CPLANE1: variants seen among roughly 807,000 people sequenced by gnomAD.
CPLANE1 encodes the protein ciliogenesis and planar polarity effector 1.
In CPLANE1, 263 loss-of-function variants were observed where a neutral mutation model predicts 362.5. The observed-to-expected ratio is 0.73, with a 90% confidence interval of 0.66 to 0.80. The LOEUF (loss-of-function observed/expected upper bound fraction) is 0.80. CPLANE1 is among the 30% of genes least tolerant of loss of function. The pLI, the probability that CPLANE1 is intolerant of heterozygous loss-of-function variation, is 0.00. For missense variants in CPLANE1, 3,461 were observed against 3,793.4 expected (o/e 0.91, Z 2.30); for synonymous variants, 1,212 against 1,302.6 (o/e 0.93, Z 1.50).
chr5:37,206,129 G>T (rs904875082), intron 17 of CPLANE1, 68 bp downstream of exon 17: 18 of 1,022,336 alleles, frequency 1.8e-5, no homozygotes, highest in Non-Finnish European at 2.2e-5. Flanking sequence ...GTAAATACCA[G>T]CAATAAGAGA....
At chr5:37,111,039 C>A (rs1366141143) in intron 51 of CPLANE1, among the ~76,000 whole-genome samples, 1 of 151,632 alleles carries the variant, frequency 6.6e-6, no homozygotes, top group Non-Finnish European at 1.5e-5. Flanking sequence ...AATCTCCTGA[C>A]CTCGTGATCC....
chr5:37,201,202 A>G (rs1264800779), intron 19 of CPLANE1, among the ~76,000 whole-genome samples: 1 of 152,164 alleles, frequency 6.6e-6, no homozygotes, highest in African/African-American at 2.4e-5. Flanking sequence ...GACACTCATT[A>G]TTTCATTTGT....
chr5:37,224,935 G>A (rs912138160), intron 12 of CPLANE1, among the ~76,000 whole-genome samples, 195 bp from the exon 13 acceptor site: 19 of 148,092 alleles, frequency 1.3e-4, no homozygotes, highest in Non-Finnish European at 2.5e-4. Flanking sequence ...AATATTTTAA[G>A]CACCTGTAAT....
At chr5:37,195,647 T>C (rs913990100) in intron 21 of CPLANE1, among the ~76,000 whole-genome samples, 3 of 151,188 alleles carry the variant, frequency 2.0e-5, no homozygotes, top group Admixed American at 6.6e-5. Flanking sequence ...CATAAGGTAA[T>C]AGGTATCACA....
At chr5:37,173,987 T>C (rs1199270647) in intron 31 of CPLANE1, 40 bp from the exon 32 acceptor site, 1 of 1,541,286 alleles carries the variant, frequency 6.5e-7, no homozygotes, top group African/African-American at 1.4e-5. Context: ...TGCATTAAAA[T>C]TGACAAAAAA....
At chr5:37,205,593 T>C (rs184631126) in intron 17 of CPLANE1, 139 bp from the exon 18 acceptor site, 5 of 604,522 alleles carry the variant, frequency 8.3e-6, no homozygotes, top group Non-Finnish European at 1.4e-5. Context: ...AAAAAAGATA[T>C]ATTCAAGGAA....
chr5:37,205,462 G>T lies in CPLANE1; in HGVS notation c.3150-8C>A. The T allele has an allele frequency of 6.7e-7, 1 of 1,486,414 alleles. No homozygotes were observed. Among genetic ancestry groups the T allele is most frequent in the African/African-American group, 1.4e-5 (1 of 70,490 alleles). 92.1% of individuals were successfully genotyped at this position (1,486,414 alleles called of 1,614,324 possible). A position where few individuals can be genotyped will look rare whatever the true frequency, so the allele number is the denominator to read the frequency against. Reference sequence around the variant, plus strand: ...AGACTCTTTTTCTTGGACCTGAAATGACATCAAATTAAGGGAAATGAATCC... The same window carrying T: ...AGACTCTTTTTCTTGGACCTGAAATTACATCAAATTAAGGGAAATGAATCC... On this transcript the variant is annotated splice_polypyrimidine_tract_variant and splice_region_variant and intron_variant, in intron 17 of 52. Coordinates refer to ENST00000651892, the MANE Select transcript of CPLANE1 (RefSeq NM_001384732.1).
chr5:37,136,525 C>T (rs756995857), intron 46 of CPLANE1, among the ~76,000 whole-genome samples: 3 of 152,156 alleles, frequency 2.0e-5, no homozygotes, highest in African/African-American at 7.2e-5. Flanking sequence ...GTCTGAAGGA[C>T]GATGGCCCTC....
At chr5:37,139,266 CACAT>C in intron 45 of CPLANE1, 70 bp downstream of exon 45, 2 of 1,337,330 alleles carry the variant, frequency 1.5e-6, no homozygotes, top group Non-Finnish European at 2.0e-6. Flanking sequence ...AAAATTCACA[CACAT>C]ATGAACAAAA....
intron 16 of CPLANE1, 100 bp downstream of exon 16, chr5:37,213,459 G>T: frequency 1.4e-6 from 1 of 724,824 alleles, no homozygotes; most frequent in Non-Finnish European, 2.0e-6. Context: ...TACTATGCTA[G>T]AACAGTATCA....
At chr5:37,235,845 C>T (rs1580979225) in intron 8 of CPLANE1, among the ~76,000 whole-genome samples, 2 of 147,658 alleles carry the variant, frequency 1.4e-5, no homozygotes, top group Admixed American at 1.4e-4. Flanking sequence ...GCTGGGATTA[C>T]AGGCATGAGC....
intron 46 of CPLANE1, among the ~76,000 whole-genome samples, chr5:37,132,269 C>T (rs905352498): frequency 2.0e-5 from 3 of 149,556 alleles, no homozygotes; most frequent in Non-Finnish European, 3.0e-5. Context: ...AAAATGACTT[C>T]GAGAAGTGTT....
rs544249065 is a variant in CPLANE1 at position 37,170,338 on chromosome 5, T to A, written c.6172-7A>T. 3 of 1,597,290 alleles carry A rather than the reference T, an allele frequency of 1.9e-6. No individual in the cohort carries two copies. In the South Asian group the frequency reaches 3.4e-5, roughly 18 times the overall value. On this transcript the variant is annotated splice_polypyrimidine_tract_variant and splice_region_variant and intron_variant, in intron 32 of 52. Coordinates refer to ENST00000651892, the MANE Select transcript of CPLANE1 (RefSeq NM_001384732.1). ...TGAAGTTGATCTGTTGCAGCTTGAA[T>A]AAAACAAAAATTGAAGCGATATCTT...
chr5:37,185,362 T>C (rs988978675), intron 24 of CPLANE1, among the ~76,000 whole-genome samples: 6 of 152,062 alleles, frequency 3.9e-5, no homozygotes, highest in African/African-American at 1.4e-4. Flanking sequence ...CTTTAAGTGA[T>C]TTAACTGTTT....
intron 46 of CPLANE1, among the ~76,000 whole-genome samples, chr5:37,132,331 G>A (rs983106951): frequency 1.1e-4 from 13 of 123,074 alleles, no homozygotes; most frequent in African/African-American, 3.0e-4. Flanking sequence ...TTATTCGATT[G>A]TTCAAGTTTT....
In CPLANE1 at chr5:37,243,511, T is replaced by C. The variant is rs182320003; in HGVS notation, c.571-392A>G. On this transcript the variant is annotated intron_variant, in intron 5 of 52. Transcript: ENST00000651892. The stretch of plus-strand genomic sequence containing the variant: ...AGTGGTTTGGATAATAAAATGCTGG[T>C]CCACACATACGAAGAATACCAAGCA... 3.7e-4 allele frequency among the ~76,000 whole-genome samples: 56 copies of C among 151,858 alleles called. 1 individual carries two copies. Among genetic ancestry groups the C allele is most frequent in the Admixed American group, 3.7e-3 (56 of 15,208 alleles).
intron 9 of CPLANE1, among the ~76,000 whole-genome samples, chr5:37,228,915 C>T (rs1382831919): frequency 6.6e-6 from 1 of 152,126 alleles, no homozygotes; most frequent in South Asian, 2.1e-4. Flanking sequence ...GGAAAAAATA[C>T]TTTCACTGCA....
downstream of CPLANE1, among the ~76,000 whole-genome samples, chr5:37,105,885 G>A (rs925907493): frequency 5.9e-5 from 9 of 152,050 alleles, no homozygotes; most frequent in African/African-American, 1.9e-4. Context: ...GATGACATAC[G>A]AATGGCCAAC....
At chr5:37,104,189 T>C (rs921287653), downstream of CPLANE1, among the ~76,000 whole-genome samples, 1 of 152,252 alleles carries the variant, frequency 6.6e-6, no homozygotes, top group African/African-American at 2.4e-5. Context: ...AGTGAATTTC[T>C]TGTGTTGAGT....
Sources: gnomAD v4.1 joint callset for allele counts (sites outside exome capture counted in the v4.1 genomes callset) on GRCh38, gnomAD v4.1.1 for gene constraint, MANE v1.5 for transcripts, NCBI Gene and HGNC (gene_info 2026-07-23, HGNC 2026-07-21) for gene names.